PCDHGA12: variants seen among roughly 807,000 people sequenced by gnomAD.
PCDHGA12 encodes the protein protocadherin gamma subfamily A, 12, also known as protocadherin gamma-A12.
Under a neutral mutation model 61.1 loss-of-function variants are expected in PCDHGA12, and 43 were observed. The observed-to-expected ratio is 0.70, with a 90% confidence interval of 0.55 to 0.91. The LOEUF is 0.91. Ranked by LOEUF, PCDHGA12 falls within the 40% of genes least tolerant of loss-of-function variation. The probability of loss-of-function intolerance (pLI) is 0.00; values close to 1 mark genes in which losing one functional copy is unlikely to be tolerated. For synonymous variants in PCDHGA12, 520 were observed against 542.9 expected, an observed-to-expected ratio of 0.96 and a Z score of 0.59; for missense variants, 1,236 against 1,227.7, an observed-to-expected ratio of 1.01 and a Z score of -0.10.
At chr5:141,435,995 A>C (rs1033174115) in intron 1 of PCDHGA12, among the ~76,000 whole-genome samples, 2 of 152,144 alleles carry the variant, frequency 1.3e-5, no homozygotes, top group African/African-American at 4.8e-5. Context: ...TGATTTTTTG[A>C]AAGAAAGTAT....
chr5:141,490,891 C>A lies in PCDHGA12; in HGVS notation c.2425-3916C>A, dbSNP rs1462296497. The A allele has an allele frequency of 6.2e-7, 1 of 1,613,204 alleles. No homozygotes were observed. Among genetic ancestry groups the A allele is most frequent in the Non-Finnish European group, 8.5e-7 (1 of 1,179,262 alleles). On this transcript the variant is annotated intron_variant, in intron 1 of 3. Transcript: ENST00000252085. This position sits in a 1 kb window ranked among gnomAD's most constrained non-coding sequence, Gnocchi z 5.4. ...CCCATTGCATGCCAACACATCTCTGCATGTGTTTGTCCTAGACGAGAATGA... is the reference window on the plus strand; with the variant it reads ...CCCATTGCATGCCAACACATCTCTGAATGTGTTTGTCCTAGACGAGAATGA...
chr5:141,480,914 G>A (rs959577133), intron 1 of PCDHGA12, among the ~76,000 whole-genome samples: 18 of 151,978 alleles, frequency 1.2e-4, no homozygotes, highest in South Asian at 4.2e-4. Flanking sequence ...GCATGGTGGC[G>A]CATACCTGTA....
intron 1 of PCDHGA12, chr5:141,441,249 T>TA (rs981387539): frequency 2.0e-5 from 3 of 152,206 alleles, no homozygotes. Context: ...ACAAGATCTT[T>TA]AAATCACAAG....
At position 141,489,088 on chromosome 5, in the gene PCDHGA12, GAC is replaced by G; in HGVS notation, c.2425-5718_2425-5717del. 5.8e-6 allele frequency: 2 copies of G among 347,236 alleles called. No homozygotes were observed. The highest frequency in any genetic ancestry group is 4.7e-5 in the East Asian group (1 of 21,502). The allele number at this position is 347,236 out of a possible 1,614,324, so 21.5% of individuals were successfully genotyped here. A position where few individuals can be genotyped will look rare whatever the true frequency, so the allele number is the denominator to read the frequency against. ...CCCCTGCCCACCCCCGCCACTCGGT[GAC>G]TAAGAACTGCTGCAAGCAGGCAAAC... On this transcript the variant is annotated intron_variant, in intron 1 of 3. Transcript: ENST00000252085. The surrounding 1 kb of genome is among the most constrained non-coding windows in gnomAD (Gnocchi z 4.5).
rs752604165 is a variant in PCDHGA12, at chr5:141,494,771, G to A, written c.2425-36G>A. On this transcript the variant is annotated intron_variant, in intron 1 of 3. Coordinates refer to ENST00000252085, the MANE Select transcript of PCDHGA12 (RefSeq NM_003735.3). ...CTCGGGTGACATTCTAACTTCTCAC[G>A]GGTACTCAGCCCCTTTCCCTCTGTT... 74 of 1,613,730 alleles carry A rather than the reference G, an allele frequency of 4.6e-5. No homozygotes were observed. The East Asian group carries it at 1.6e-3, about 36-fold the overall frequency.
chr5:141,449,830 T>G (rs1316368063), intron 1 of PCDHGA12, among the ~76,000 whole-genome samples: 1 of 151,724 alleles, frequency 6.6e-6, no homozygotes, highest in Non-Finnish European at 1.5e-5. Flanking sequence ...AAGGACATTC[T>G]TTTATATAAT....
intron 1 of PCDHGA12, chr5:141,478,730 G>A: frequency 6.5e-7 from 1 of 1,538,906 alleles, no homozygotes; most frequent in South Asian, 1.2e-5. Flanking sequence ...GCCAGAGTGT[G>A]GTTTGTGGTC....
intron 1 of PCDHGA12, among the ~76,000 whole-genome samples, chr5:141,470,014 A>G (rs1394478856): frequency 6.6e-6 from 1 of 152,200 alleles, no homozygotes; most frequent in Non-Finnish European, 1.5e-5. Flanking sequence ...CTGTAATCCC[A>G]GCTACTCGGG....
intron 1 of PCDHGA12, among the ~76,000 whole-genome samples, chr5:141,438,833 T>C (rs989612425): frequency 6.6e-6 from 1 of 150,476 alleles, no homozygotes; most frequent in Non-Finnish European, 1.5e-5. Context: ...AGCTAATTTT[T>C]TAAAATATTT....
In PCDHGA12 at chr5:141,486,288, T is replaced by G. The variant is rs1181533037; in HGVS notation, c.2425-8519T>G. ...GAACCTGGCACTGTGGTGGCACTTA[T>G]CAGTGTGCAGGATCCAGACTCAGGG... On this transcript the variant is annotated intron_variant, in intron 1 of 3. Transcript: ENST00000252085. This position sits in a 1 kb window ranked among gnomAD's most constrained non-coding sequence, Gnocchi z 5.0. The G allele has an allele frequency of 6.2e-7, 1 of 1,613,996 alleles. No individual in the cohort carries two copies. The highest frequency in any genetic ancestry group is 1.7e-5 in the Admixed American group (1 of 60,000).
intron 1 of PCDHGA12, among the ~76,000 whole-genome samples, chr5:141,454,796 A>ATTTTTTTTTTTTTTTTTTTTTTTTTTT (rs61612330): frequency 3.9e-5 from 3 of 77,408 alleles, no homozygotes; most frequent in Admixed American, 1.8e-4. Flanking sequence ...CATGGTTCTA[A>ATTTTTTTTTTTTTTTTTTTTTTTTTTT]TTTTTTTTTT....
chr5:141,435,737 T>C (rs944951200), intron 1 of PCDHGA12, among the ~76,000 whole-genome samples: 1 of 152,202 alleles, frequency 6.6e-6, no homozygotes, highest in Non-Finnish European at 1.5e-5. Context: ...TATTACTCTT[T>C]GAAAAGCATT....
chr5:141,433,169 C>T lies in PCDHGA12; in HGVS notation c.2410C>T (p.His804Tyr). The T allele has an allele frequency of 6.2e-7, 1 of 1,613,000 alleles. No homozygotes were observed. The highest frequency in any genetic ancestry group is 8.5e-7 in the Non-Finnish European group (1 of 1,179,540). Residue 804 changes from histidine (H) to tyrosine (Y), a missense_variant, in exon 1 of 4, where the codon CAT (histidine) becomes TAT (tyrosine). Transcript: ENST00000252085. ...SGDSVFSKDS[H>Y]GLIEQAPPNT... ...TGATTCGGTATTTTCTAAAGACAGTCATGGGTTAATTGAGGTGAGTTTATA... is the reference window on the plus strand; with the variant it reads ...TGATTCGGTATTTTCTAAAGACAGTTATGGGTTAATTGAGGTGAGTTTATA...
chr5:141,492,998 C>A (rs2154589328), intron 1 of PCDHGA12, among the ~76,000 whole-genome samples: 1 of 152,334 alleles, frequency 6.6e-6, no homozygotes, highest in Admixed American at 6.5e-5. Flanking sequence ...AGATGGAAAG[C>A]TATAGGCTCT....
intron 1 of PCDHGA12, among the ~76,000 whole-genome samples, chr5:141,460,117 T>G (rs1454761302): frequency 6.6e-6 from 1 of 151,982 alleles, no homozygotes; most frequent in Non-Finnish European, 1.5e-5. Context: ...ATGATTTTTA[T>G]ATATGTAATA....
In PCDHGA12 at chr5:141,486,110, G is replaced by A. The variant is rs780031943; in HGVS notation, c.2425-8697G>A. 1.2e-6 allele frequency: 2 copies of A among 1,614,162 alleles called. No individual in the cohort carries two copies. Among genetic ancestry groups the A allele is most frequent in the South Asian group, 1.1e-5 (1 of 91,078 alleles). On this transcript the variant is annotated intron_variant, in intron 1 of 3. Transcript: ENST00000252085. This position sits in a 1 kb window ranked among gnomAD's most constrained non-coding sequence, Gnocchi z 5.0. ...TTTGGGGCCCCTAGACTTTGAGAGT[G>A]AGAATTACTATGAATTTGATGTGCG...
intron 1 of PCDHGA12, among the ~76,000 whole-genome samples, chr5:141,465,348 A>C (rs886810999): frequency 6.6e-6 from 1 of 152,158 alleles, no homozygotes; most frequent in African/African-American, 2.4e-5. Context: ...GTTACTGAAG[A>C]AAAAATGGGT....
chr5:141,460,097 G>A (rs2098982102), intron 1 of PCDHGA12, among the ~76,000 whole-genome samples: 2 of 151,812 alleles, frequency 1.3e-5, no homozygotes, highest in African/African-American at 2.4e-5. Context: ...AATTATACAT[G>A]TAATTATATA....
chr5:141,436,414 A>G (rs1459862288), intron 1 of PCDHGA12, among the ~76,000 whole-genome samples: 1 of 152,234 alleles, frequency 6.6e-6, no homozygotes, highest in East Asian at 1.9e-4. Flanking sequence ...ATGAATGGAT[A>G]AACAAATAAT....
Sources: gnomAD v4.1 joint callset for allele counts (sites outside exome capture counted in the v4.1 genomes callset) on GRCh38, gnomAD v4.1.1 for gene constraint, Gnocchi (gnomAD v3.1) non-coding constraint, MANE v1.5 for transcripts, NCBI Gene and HGNC (gene_info 2026-07-23, HGNC 2026-07-21) for gene names.